PFKFB3: variants seen among roughly 807,000 people sequenced by gnomAD.
The protein encoded by PFKFB3 is 6-phosphofructo-2-kinase/fructose-2,6-biphosphatase 3, also known as 6-phosphofructo-2-kinase/fructose-2,6-bisphosphatase 3.
PFKFB3 carries 33 observed loss-of-function variants against 68.0 expected under a neutral mutation model. The ratio of observed to expected loss-of-function variants is 0.49; its 90% CI spans 0.37 to 0.65. The LOEUF (loss-of-function observed/expected upper bound fraction) is 0.65. PFKFB3 is among the 30% of genes least tolerant of loss of function. The probability of loss-of-function intolerance (pLI) is 0.00; values close to 1 mark genes in which losing one functional copy is unlikely to be tolerated. For missense variants in PFKFB3, 586 were observed against 712.2 expected (o/e 0.82, Z 2.02); for synonymous variants, 315 against 288.2 (o/e 1.09, Z -0.94).
chr10:6,148,035 C>T (rs1841452571), intron 1 of PFKFB3, among the ~76,000 whole-genome samples: 1 of 152,236 alleles, frequency 6.6e-6, no homozygotes, highest in Non-Finnish European at 1.5e-5. Flanking sequence ...TGGTTGTGTA[C>T]CACGGCATTC....
At chr10:6,240,388 C>T (rs1418280300), downstream of PFKFB3, among the ~76,000 whole-genome samples, 1 of 151,994 alleles carries the variant, frequency 6.6e-6, no homozygotes, top group African/African-American at 2.4e-5. Context: ...TCTCAGCCTC[C>T]CTAGTAGGTG....
rs1282288696 is a variant in PFKFB3, at chr10:6,215,143, G to A, written c.203-78G>A. The A allele has an allele frequency of 7.8e-7, 1 of 1,274,866 alleles. No homozygotes were observed. The highest frequency in any genetic ancestry group is 1.1e-6 in the Non-Finnish European group (1 of 879,840). 79.0% of individuals were successfully genotyped at this position (1,274,866 alleles called of 1,614,324 possible). On this transcript the variant is annotated intron_variant, in intron 2 of 14. Transcript: ENST00000379775. This position sits in a 1 kb window ranked among gnomAD's most constrained non-coding sequence, Gnocchi z 4.3. ...GGTTGGCCTGGTGGCTCTTCCTTTG[G>A]TCGATCCTATGGTCCCGGTGTGAGC...
intron 1 of PFKFB3, among the ~76,000 whole-genome samples, chr10:6,191,685 T>A (rs1448717898): frequency 6.6e-6 from 1 of 152,182 alleles, no homozygotes; most frequent in Non-Finnish European, 1.5e-5. Flanking sequence ...ACAGGTAGGA[T>A]CTGGCTGCTG....
chr10:6,177,484 CTTTT>C (rs1554842999), intron 1 of PFKFB3, among the ~76,000 whole-genome samples: 4 of 109,540 alleles, frequency 3.7e-5, no homozygotes, highest in South Asian at 3.0e-4. Context: ...TTCTTTCTTT[CTTTT>C]TCTTTTCTTT....
At chr10:6,275,970 G>A in the PFKFB3 span, among the ~76,000 whole-genome samples, 13 of 152,080 alleles carry the variant, frequency 8.5e-5, no homozygotes, top group African/African-American at 3.1e-4. The surrounding 1 kb of genome is among the most constrained non-coding windows in gnomAD (Gnocchi z 4.9). Flanking sequence ...CTCATTCCTC[G>A]AAATATGCTT....
At chr10:6,201,230 C>T (rs1310789730), upstream of PFKFB3, among the ~76,000 whole-genome samples, 2 of 151,450 alleles carry the variant, frequency 1.3e-5, no homozygotes, top group African/African-American at 4.9e-5. This position sits in a 1 kb window ranked among gnomAD's most constrained non-coding sequence, Gnocchi z 4.1. Flanking sequence ...TCGGGTCAGC[C>T]CACTCTTATT....
At chr10:6,299,412 C>A in the PFKFB3 span, among the ~76,000 whole-genome samples, 1 of 152,184 alleles carries the variant, frequency 6.6e-6, no homozygotes, top group Non-Finnish European at 1.5e-5. Flanking sequence ...GAGAGACTCA[C>A]TGGCACGTGC....
At position 6,208,969 on chromosome 10, in the gene PFKFB3, G is replaced by T. The variant is rs114513584; in HGVS notation, c.77-4654G>T. ...GTCTCCGTTGTACACTAATGGTACT[G>T]CGGGCTTGTAGACAGCCAGGGCTTA... On this transcript the variant is annotated intron_variant, in intron 1 of 14. Coordinates refer to ENST00000379775, the MANE Select transcript of PFKFB3 (RefSeq NM_004566.4). Among the ~76,000 whole-genome samples, 834 of 152,310 alleles carry T rather than the reference G, an allele frequency of 5.5e-3. 7 individuals carry two copies. The highest frequency in any genetic ancestry group is 0.019 in the African/African-American group (804 of 41,566).
chr10:6,222,994 G>A lies in PFKFB3; in HGVS notation c.1213+10G>A, dbSNP rs981877982. On this transcript the variant is annotated intron_variant, in intron 11 of 14. Transcript: ENST00000379775. ...CTGGATAAGAGTGCAGGTACCTCGG[G>A]CAGGTCGTGGCCCCGGGATGGAGGG... The A allele has an allele frequency of 6.2e-7, 1 of 1,610,684 alleles. No individual in the cohort carries two copies. The highest frequency in any genetic ancestry group is 1.7e-4 in the Middle Eastern group (1 of 5,986).
Position 6,254,588 on chromosome 10 carries a change from A to G in PFKFB3, c.*219A>G, listed in dbSNP as rs1205926456. The G allele has an allele frequency of 8.0e-6, 3 of 372,902 alleles. No individual in the cohort carries two copies. The East Asian group carries it at 1.2e-4, about 14-fold the overall frequency. The allele number at this position is 372,902 out of a possible 1,614,324, so 23.1% of individuals were successfully genotyped here. A position where few individuals can be genotyped will look rare whatever the true frequency, so the allele number is the denominator to read the frequency against. On this transcript the variant is annotated 3_prime_UTR_variant, in exon 15 of 15. Transcript: ENST00000640683. ...TGGAAATAGTGCTTCGAGTTCCCAT[A>G]CAACCATTCTGTTTTTCACTTTCAG...
chr10:6,189,793 G>T (rs1255243295), intron 1 of PFKFB3, among the ~76,000 whole-genome samples: 3 of 152,010 alleles, frequency 2.0e-5, no homozygotes, highest in Admixed American at 2.0e-4. Flanking sequence ...GGGATTACAG[G>T]CGTGAGCCAC....
the PFKFB3 span, among the ~76,000 whole-genome samples, chr10:6,302,160 T>C: frequency 4.6e-5 from 7 of 151,582 alleles, no homozygotes; most frequent in African/African-American, 7.3e-5. Context: ...GTTCAAGCGA[T>C]TCTCCTGCCT....
chr10:6,245,430 T>G (rs1186855859), intron 14 of PFKFB3, among the ~76,000 whole-genome samples: 1 of 105,108 alleles, frequency 9.5e-6, no homozygotes, highest in Non-Finnish European at 2.1e-5. Context: ...ATTACTATTA[T>G]TTTTGAAACA....
At position 6,177,507 on chromosome 10, in the gene PFKFB3, C is replaced by T. The variant is rs188676087; in HGVS notation, c.16+32494C>T. Reference sequence around the variant, plus strand: ...TTCTTTTTCTTTTCTTTCTCTCTCTCGCTCTCTCTTTCCTTTCTTTTTCTT... The same window carrying T: ...TTCTTTTTCTTTTCTTTCTCTCTCTTGCTCTCTCTTTCCTTTCTTTTTCTT... On this transcript the variant is annotated intron_variant, in intron 1 of 14. Transcript: ENST00000379789. 9.6e-3 allele frequency among the ~76,000 whole-genome samples: 716 copies of T among 74,266 alleles called. 6 individuals are homozygous for T. Among genetic ancestry groups the T allele is most frequent in the African/African-American group, 0.027 (667 of 24,348 alleles). The allele number at this position is 74,266 out of a possible 152,430, so 48.7% of individuals were successfully genotyped here.
intron 14 of PFKFB3, among the ~76,000 whole-genome samples, chr10:6,253,640 G>A (rs1238946511): frequency 1.3e-5 from 2 of 151,940 alleles, no homozygotes; most frequent in Non-Finnish European, 2.9e-5. Flanking sequence ...CTGGTGCAGA[G>A]AGGAGAAAGA....
chr10:6,284,615 T>C, the PFKFB3 span, among the ~76,000 whole-genome samples: 203 of 152,374 alleles, frequency 1.3e-3, no homozygotes, highest in African/African-American at 4.8e-3. Flanking sequence ...CCATTTTAAC[T>C]ATTTTAATGT....
chr10:6,194,409 G>A (rs1160074044), intron 1 of PFKFB3, among the ~76,000 whole-genome samples: 2 of 152,200 alleles, frequency 1.3e-5, no homozygotes, highest in South Asian at 2.1e-4. Flanking sequence ...TTTCCGCTGC[G>A]CTAAAGTCTA....
At chr10:6,318,802 G>A in the PFKFB3 span, among the ~76,000 whole-genome samples, 2 of 152,120 alleles carry the variant, frequency 1.3e-5, no homozygotes, top group Non-Finnish European at 2.9e-5. Context: ...CTCTGGCCAC[G>A]GGACCAGCTC....
At position 6,215,323 on chromosome 10, in the gene PFKFB3, G is replaced by T. The variant is rs200933776; in HGVS notation, c.299+6G>T. The T allele has an allele frequency of 1.2e-3, 1,938 of 1,610,192 alleles. 2 individuals carry two copies. The highest frequency in any genetic ancestry group is 4.5e-3 in the Middle Eastern group (27 of 6,054). On this transcript the variant is annotated splice_donor_region_variant and intron_variant, in intron 3 of 14. Transcript: ENST00000379775. This position sits in a 1 kb window ranked among gnomAD's most constrained non-coding sequence, Gnocchi z 4.3. ...GAAGCCATGAAAGTCCGGAAGTAAG[G>T]CTGGGCCGCGGGCGTAGGGCTGGGC...
Sources: gnomAD v4.1 joint callset for allele counts (sites outside exome capture counted in the v4.1 genomes callset) on GRCh38, gnomAD v4.1.1 for gene constraint, Gnocchi (gnomAD v3.1) non-coding constraint, MANE v1.5 for transcripts, NCBI Gene and HGNC (gene_info 2026-07-23, HGNC 2026-07-21) for gene names.